The following VWF variants were observed in gnomAD, a reference collection of about 807,000 sequenced individuals.
The protein encoded by VWF is Factor VIII related antigen.
In VWF, 176 loss-of-function variants were observed where a neutral mutation model predicts 308.6. That is an observed-to-expected ratio of 0.57 (90% CI 0.50 to 0.65). The LOEUF (loss-of-function observed/expected upper bound fraction) is 0.65. Ranked by LOEUF, VWF falls within the 30% of genes least tolerant of loss-of-function variation. The pLI, the probability that VWF is intolerant of heterozygous loss-of-function variation, is 0.00. For synonymous variants in VWF, 1,385 were observed against 1,443.4 expected (o/e 0.96, Z 0.92); for missense variants, 3,146 against 3,648.2 (o/e 0.86, Z 3.55).
At chr12:5,951,945 C>A in intron 49 of VWF, 62 bp from the exon 50 acceptor site, 2 of 1,555,424 alleles carry the variant, frequency 1.3e-6, no homozygotes, top group South Asian at 2.2e-5. Flanking sequence ...GCTTTCAGGT[C>A]ACTCCGGGCC....
At chr12:6,031,304 G>A (rs1944258848) in intron 21 of VWF, 140 bp downstream of exon 21, 1 of 1,420,298 alleles carries the variant, frequency 7.0e-7, no homozygotes, top group East Asian at 2.4e-5. Flanking sequence ...ACGGTCAGTT[G>A]CAATAGCTCT....
rs898046820 is a variant in VWF, at chr12:6,046,101, G to C, written c.2281+622C>G. Among the ~76,000 whole-genome samples the C allele has an allele frequency of 1.3e-5, 2 of 152,176 alleles. No homozygotes were observed. The highest frequency in any genetic ancestry group is 4.8e-5 in the African/African-American group (2 of 41,424). On this transcript the variant is annotated intron_variant, in intron 17 of 51. Transcript: ENST00000261405. The surrounding 1 kb of genome is among the most constrained non-coding windows in gnomAD (Gnocchi z 5.0). ...TAGCCAGGTGTGGTGGCGCATGCCT[G>C]TAATTCCAGCTACTTGGGAGGCTGA...
At chr12:5,966,286 C>A (rs1402567780) in intron 47 of VWF, among the ~76,000 whole-genome samples, 1 of 151,800 alleles carries the variant, frequency 6.6e-6, no homozygotes. Context: ...TACACACACA[C>A]ACACGCACAC....
chr12:6,099,384 A>G (rs2136505331), intron 5 of VWF, among the ~76,000 whole-genome samples: 1 of 152,028 alleles, frequency 6.6e-6, no homozygotes, highest in Non-Finnish European at 1.5e-5. Context: ...AGTTCTGGAT[A>G]AGTGAGGAAA....
intron 47 of VWF, among the ~76,000 whole-genome samples, chr12:5,966,262 G>A (rs1943402317): frequency 7.6e-6 from 1 of 131,632 alleles, no homozygotes; most frequent in East Asian, 2.0e-4. Context: ...TGTTCTAGGA[G>A]GGTTGTTACA....
rs747177751 is a variant in VWF, at chr12:6,025,684, C to A, written c.3118G>T (p.Asp1040Tyr). ...QCADTRKVPL[D>Y]SSPATCHNNI... ...TTATGGCAGGTGGCAGGGGATGAGT[C>A]CAGAGGCACCTGGGAACCAGGCAAG... The change falls in exon 24 of 52, where the codon GAC (aspartate) becomes TAC (tyrosine). Residue 1040 changes from aspartate to tyrosine, a missense_variant. Coordinates refer to ENST00000261405, the MANE Select transcript of VWF (RefSeq NM_000552.5). 2.7e-5 allele frequency: 40 copies of A among 1,489,200 alleles called. No homozygotes were observed. The highest frequency in any genetic ancestry group is 3.5e-5 in the Non-Finnish European group (38 of 1,073,104). 92.2% of individuals were successfully genotyped at this position (1,489,200 alleles called of 1,614,324 possible).
chr12:5,954,324 T>C (rs1313248965), intron 47 of VWF, among the ~76,000 whole-genome samples: 2 of 152,240 alleles, frequency 1.3e-5, no homozygotes, highest in Non-Finnish European at 2.9e-5. Context: ...GTGGCTTGTA[T>C]TGGACTAACC....
chr12:6,051,577 C>T (rs4764532), intron 16 of VWF, among the ~76,000 whole-genome samples: 72,132 of 152,016 alleles, frequency 0.47, 19,047 homozygotes, highest in East Asian at 0.7. Flanking sequence ...CCTGGCCAAT[C>T]AGGATGTTTC....
rs769280936 is a variant in VWF at position 6,103,067 on chromosome 12, C to A, written c.532+7307G>T. On this transcript the variant is annotated intron_variant, in intron 5 of 51. Coordinates refer to ENST00000261405, the MANE Select transcript of VWF (RefSeq NM_000552.5). ...GATCGGCCAGGCGTGGTGGCTCATG[C>A]CTGTAATCCCAGCACTTTGGGAGGC... is the stretch of plus-strand genomic sequence containing the variant. Among the ~76,000 whole-genome samples the A allele has an allele frequency of 3.3e-5, 5 of 152,262 alleles. No individual in the cohort carries two copies. The South Asian group carries it at 6.2e-4, about 19-fold the overall frequency.
chr12:6,079,430 C>A (rs1015506081), intron 6 of VWF, among the ~76,000 whole-genome samples: 3 of 151,326 alleles, frequency 2.0e-5, no homozygotes, highest in African/African-American at 4.9e-5. Flanking sequence ...CACGGTGAAA[C>A]CCCATCTCTA....
intron 43 of VWF, among the ~76,000 whole-genome samples, chr12:5,973,914 C>G (rs539168385): frequency 6.6e-6 from 1 of 152,146 alleles, no homozygotes. Context: ...GACATGGAAG[C>G]AAGGCCATCG....
chr12:6,073,354 A>G (rs544055424), intron 8 of VWF, among the ~76,000 whole-genome samples: 1 of 152,180 alleles, frequency 6.6e-6, no homozygotes, highest in Non-Finnish European at 1.5e-5. Context: ...CGAGTTCCCC[A>G]AACAAAGTTA....
At chr12:5,960,638 A>C (rs1444649545) in intron 47 of VWF, among the ~76,000 whole-genome samples, 1 of 152,228 alleles carries the variant, frequency 6.6e-6, no homozygotes, top group African/African-American at 2.4e-5. Context: ...ATAACACGTC[A>C]TGAAGAAAGG....
chr12:6,074,631 A>G (rs777695703), intron 7 of VWF, among the ~76,000 whole-genome samples: 3 of 152,134 alleles, frequency 2.0e-5, no homozygotes, highest in Non-Finnish European at 4.4e-5. Flanking sequence ...ACACGTGTGC[A>G]GTGTAAAGAT....
At chr12:5,976,040 CT>C in intron 43 of VWF, 70 bp downstream of exon 43, 1 of 1,606,750 alleles carries the variant, frequency 6.2e-7, no homozygotes, top group East Asian at 2.2e-5. Context: ...CTTTCTTACC[CT>C]TCCTAAGATG....
At chr12:5,994,274 C>G in intron 36 of VWF, 71 bp from the exon 37 acceptor site, 1 of 1,598,958 alleles carries the variant, frequency 6.3e-7, no homozygotes, top group Non-Finnish European at 8.6e-7. Context: ...ATGCCAGAGA[C>G]AGGCCATTCT....
At chr12:6,121,910 G>T (rs1161266367) in intron 2 of VWF, among the ~76,000 whole-genome samples, 4 of 151,192 alleles carry the variant, frequency 2.6e-5, no homozygotes, top group Non-Finnish European at 5.9e-5. Context: ...TAGACTGGGC[G>T]ACAGAGTGAG....
rs1228805785 is a variant in VWF at position 6,016,598 on chromosome 12, C to T, written c.5229G>A (p.Val1743=). 1.2e-6 allele frequency: 2 copies of T among 1,614,182 alleles called. No individual in the cohort carries two copies. Among genetic ancestry groups the T allele is most frequent in the Non-Finnish European group, 1.7e-6 (2 of 1,180,040 alleles). Residue 1743 remains valine (V), a synonymous_variant, in exon 30 of 52, where the codon GTG becomes GTA. Transcript: ENST00000261405. ...CTTTCTCCGGGACCACGTTCCATGG[C>T]ACGTCAATGGTGGTGATGCTTCCAT... ...LQYGSITTID[V]PWNVVPEKAH... is the part of the protein sequence containing the mutation.
chr12:6,044,246 A>C (rs1033641173), intron 18 of VWF, 45 bp downstream of exon 18: 3 of 1,611,378 alleles, frequency 1.9e-6, no homozygotes, highest in Admixed American at 3.3e-5. Flanking sequence ...CCCTGCCTAC[A>C]AGAAAACTGA....
Sources: gnomAD v4.1 joint callset for allele counts (sites outside exome capture counted in the v4.1 genomes callset) on GRCh38, gnomAD v4.1.1 for gene constraint, Gnocchi (gnomAD v3.1) non-coding constraint, MANE v1.5 for transcripts, NCBI Gene and HGNC (gene_info 2026-07-23, HGNC 2026-07-21) for gene names.